Variants in ARHGAP26 observed in about 807,000 individuals in gnomAD.
ARHGAP26 encodes the protein rho GTPase-activating protein 26.
Under a neutral mutation model 104.8 loss-of-function variants are expected in ARHGAP26, and 38 were observed. The ratio of observed to expected loss-of-function variants is 0.36; its 90% CI spans 0.28 to 0.48. The LOEUF (loss-of-function observed/expected upper bound fraction) is 0.48, where lower values mean the gene tolerates loss of function less well. ARHGAP26 is among the 20% of genes least tolerant of loss of function. The pLI is 0.99. For synonymous variants in ARHGAP26, 341 were observed against 340.0 expected (o/e 1.00, Z -0.03); for missense variants, 704 against 947.9 (o/e 0.74, Z 3.38).
chr5:143,031,617 T>C (rs1026556579), intron 12 of ARHGAP26, among the ~76,000 whole-genome samples: 20 of 151,468 alleles, frequency 1.3e-4, no homozygotes, highest in Non-Finnish European at 2.5e-4. Flanking sequence ...GTGAAAAGTA[T>C]CTCAGATGAG....
intron 17 of ARHGAP26, among the ~76,000 whole-genome samples, chr5:143,084,602 A>G (rs926669095): frequency 6.6e-6 from 1 of 152,172 alleles, no homozygotes; most frequent in African/African-American, 2.4e-5. Context: ...CGTGGCATAC[A>G]AAGACATCTT....
At chr5:142,793,145 C>G (rs1318822482) in intron 1 of ARHGAP26, among the ~76,000 whole-genome samples, 3 of 151,732 alleles carry the variant, frequency 2.0e-5, no homozygotes, top group Non-Finnish European at 4.4e-5. Context: ...GCCTGACATT[C>G]GTTCCTCTGC....
chr5:142,836,437 C>G (rs1290889020), intron 1 of ARHGAP26, among the ~76,000 whole-genome samples: 1 of 152,248 alleles, frequency 6.6e-6, no homozygotes, highest in Non-Finnish European at 1.5e-5. Context: ...AGCCCTTTAC[C>G]TGGGCTAATT....
intron 17 of ARHGAP26, among the ~76,000 whole-genome samples, chr5:143,080,226 C>G (rs1220519871): frequency 1.3e-5 from 2 of 152,130 alleles, no homozygotes; most frequent in African/African-American, 4.8e-5. Context: ...AGACAGAGTC[C>G]CTGCTGTCTT....
At chr5:142,897,610 TC>T (rs1304476119) in intron 6 of ARHGAP26, among the ~76,000 whole-genome samples, 3 of 152,216 alleles carry the variant, frequency 2.0e-5, no homozygotes, top group Non-Finnish European at 4.4e-5. Flanking sequence ...GCTGCACATT[TC>T]AGTTTGAGCC....
intron 21 of ARHGAP26, among the ~76,000 whole-genome samples, chr5:143,212,334 T>C (rs1376754154): frequency 6.8e-6 from 1 of 146,708 alleles, no homozygotes; most frequent in Non-Finnish European, 1.5e-5. Flanking sequence ...ACTCCTCCTG[T>C]CTGCTTCCCA....
chr5:142,946,318 A>G (rs1767088931), intron 11 of ARHGAP26, among the ~76,000 whole-genome samples: 1 of 152,200 alleles, frequency 6.6e-6, no homozygotes, highest in Non-Finnish European at 1.5e-5. Context: ...AGGCCATAAT[A>G]TGATCTTACT....
chr5:142,797,885 G>C (rs1212014831), intron 1 of ARHGAP26, among the ~76,000 whole-genome samples: 1 of 152,186 alleles, frequency 6.6e-6, no homozygotes, highest in Non-Finnish European at 1.5e-5. Context: ...GTTCTGAGGT[G>C]GGGCTTGACA....
At chr5:143,096,440 A>C (rs545367666) in intron 17 of ARHGAP26, among the ~76,000 whole-genome samples, 1 of 152,210 alleles carries the variant, frequency 6.6e-6, no homozygotes, top group East Asian at 1.9e-4. Flanking sequence ...GTGTCTGCCA[A>C]ATACCCAAGT....
At chr5:142,867,716 G>T (rs1754570114) in intron 1 of ARHGAP26, 1 of 152,216 alleles carries the variant, frequency 6.6e-6, no homozygotes, top group Non-Finnish European at 1.5e-5. Context: ...GCTGGTGGTA[G>T]CTCTCCCTCC....
At chr5:142,805,022 C>T (rs1194950476) in intron 1 of ARHGAP26, among the ~76,000 whole-genome samples, 1 of 152,008 alleles carries the variant, frequency 6.6e-6, no homozygotes, top group Non-Finnish European at 1.5e-5. Context: ...GTGTCACGAG[C>T]TTATTCCTTT....
At chr5:142,876,776 CAAAAAAAAA>C (rs34843524) in intron 3 of ARHGAP26, among the ~76,000 whole-genome samples, 187 of 48,458 alleles carry the variant, frequency 3.9e-3, no homozygotes, top group African/African-American at 0.011. Flanking sequence ...GACCCTGTGT[CAAAAAAAAA>C]AAAAAAAAAA....
At chr5:142,824,861 A>G (rs1766915971) in intron 1 of ARHGAP26, among the ~76,000 whole-genome samples, 2 of 152,370 alleles carry the variant, frequency 1.3e-5, no homozygotes, top group South Asian at 2.1e-4. Context: ...ACTATGTTTC[A>G]GGAGTGGGGG....
chr5:142,774,014 A>T (rs1462542478), intron 1 of ARHGAP26, among the ~76,000 whole-genome samples: 1 of 152,216 alleles, frequency 6.6e-6, no homozygotes, highest in Non-Finnish European at 1.5e-5. Context: ...TAAACTCTCA[A>T]AGGATGTTCG....
chr5:142,965,200 G>A (rs574748243), intron 11 of ARHGAP26, among the ~76,000 whole-genome samples: 32 of 152,292 alleles, frequency 2.1e-4, no homozygotes, highest in African/African-American at 7.2e-4. Context: ...ACATGAAGGC[G>A]GACTAGGGGC....
intron 20 of ARHGAP26, chr5:143,202,895 C>G (rs1199637549): frequency 6.6e-6 from 1 of 152,108 alleles, no homozygotes; most frequent in Non-Finnish European, 1.5e-5. Context: ...GAAACTGGAC[C>G]CCTTCCTTAC....
intron 1 of ARHGAP26, among the ~76,000 whole-genome samples, chr5:142,848,413 G>A (rs1000553003): frequency 4.6e-5 from 7 of 152,196 alleles, no homozygotes; most frequent in African/African-American, 1.7e-4. Flanking sequence ...AATAGCGTGT[G>A]TGGCCCTGTG....
intron 20 of ARHGAP26, among the ~76,000 whole-genome samples, chr5:143,167,812 A>G (rs576476398): frequency 1.3e-3 from 198 of 152,310 alleles, no homozygotes; most frequent in Non-Finnish European, 2.5e-3. Context: ...CCAATGTGCA[A>G]AGAGAAACTG....
At chr5:143,185,424 G>A (rs1804988012) in intron 20 of ARHGAP26, among the ~76,000 whole-genome samples, 1 of 152,098 alleles carries the variant, frequency 6.6e-6, no homozygotes, top group South Asian at 2.1e-4. Flanking sequence ...AAAAATTTCT[G>A]CATTAAAAAT....
Sources: gnomAD v4.1 joint callset for allele counts (sites outside exome capture counted in the v4.1 genomes callset) on GRCh38, gnomAD v4.1.1 for gene constraint, MANE v1.5 for transcripts, NCBI Gene and HGNC (gene_info 2026-07-23, HGNC 2026-07-21) for gene names.